NUDCD1: variants seen among roughly 807,000 people sequenced by gnomAD.
The protein encoded by NUDCD1 is NudC domain containing 1.
NUDCD1 carries 60 observed loss-of-function variants against 67.8 expected under a neutral mutation model. The ratio of observed to expected loss-of-function variants is 0.88; its 90% CI spans 0.72 to 1.10. The LOEUF (loss-of-function observed/expected upper bound fraction) is 1.10. Among genes scored for constraint, NUDCD1 ranks in the 50% least tolerant of loss-of-function variants. The pLI is 0.00. For synonymous variants in NUDCD1, 244 were observed against 230.8 expected, an observed-to-expected ratio of 1.06 and a Z score of -0.52; for missense variants, 643 against 695.0, an observed-to-expected ratio of 0.93 and a Z score of 0.84.
chr8:109,285,084 A>G (rs962218622), intron 5 of NUDCD1, among the ~76,000 whole-genome samples: 2 of 152,100 alleles, frequency 1.3e-5, no homozygotes, highest in Admixed American at 6.6e-5. Flanking sequence ...ATAAATTCCT[A>G]GAAACACAAT....
At position 109,241,840 on chromosome 8, in the gene NUDCD1, C is replaced by A; in HGVS notation, c.*1169G>T. The A allele has an allele frequency of 2.7e-6, 1 of 368,288 alleles. No homozygotes were observed. The highest frequency in any genetic ancestry group is 4.8e-6 in the Non-Finnish European group (1 of 207,872). 22.8% of individuals were successfully genotyped at this position (368,288 alleles called of 1,614,324 possible). A position where few individuals can be genotyped will look rare whatever the true frequency, so the allele number is the denominator to read the frequency against. On this transcript the variant is annotated 3_prime_UTR_variant, in exon 10 of 10. Coordinates refer to ENST00000239690, the MANE Select transcript of NUDCD1 (RefSeq NM_032869.4). ...GCCTCTTAAATGAAGGTCTTAACTT[C>A]CTTATTAAAATATAAAATCCAACTT...
In NUDCD1 at chr8:109,241,852, A is replaced by G. The variant is rs369500673; in HGVS notation, c.*1157T>C. The G allele has an allele frequency of 4.8e-5, 18 of 377,970 alleles. No individual in the cohort carries two copies. Among genetic ancestry groups the G allele is most frequent in the African/African-American group, 3.5e-4 (17 of 48,278 alleles). The allele number at this position is 377,970 out of a possible 1,614,324, so 23.4% of individuals were successfully genotyped here. On this transcript the variant is annotated 3_prime_UTR_variant, in exon 10 of 10. Coordinates refer to ENST00000239690, the MANE Select transcript of NUDCD1 (RefSeq NM_032869.4). The stretch of plus-strand genomic sequence containing the variant: ...AAGGTCTTAACTTCCTTATTAAAAT[A>G]TAAAATCCAACTTGAGGTTTATATA...
chr8:109,331,407 T>G (rs921322950), intron 1 of NUDCD1, among the ~76,000 whole-genome samples: 10 of 150,798 alleles, frequency 6.6e-5, no homozygotes, highest in African/African-American at 2.2e-4. Flanking sequence ...TCCCAACTAC[T>G]CGGGAGGCTG....
intron 5 of NUDCD1, among the ~76,000 whole-genome samples, chr8:109,281,427 C>T (rs771172529): frequency 1.3e-5 from 2 of 152,042 alleles, no homozygotes; most frequent in Non-Finnish European, 2.9e-5. Flanking sequence ...TGATAGCAAT[C>T]CTTTATCCTC....
At chr8:109,260,725 T>A (rs2926204) in intron 8 of NUDCD1, among the ~76,000 whole-genome samples, 61,700 of 152,126 alleles carry the variant, frequency 0.41, 12,792 homozygotes, top group South Asian at 0.5. Flanking sequence ...TACTCTGGCC[T>A]TGCCAGATTT....
intron 2 of NUDCD1, among the ~76,000 whole-genome samples, chr8:109,318,332 G>A (rs147895643): frequency 2.0e-5 from 3 of 152,294 alleles, no homozygotes; most frequent in African/African-American, 7.2e-5. Context: ...AAATGTTATT[G>A]GCAAACTTTA....
intron 1 of NUDCD1, among the ~76,000 whole-genome samples, chr8:109,329,392 A>G (rs1815753185): frequency 6.6e-6 from 1 of 152,184 alleles, no homozygotes; most frequent in Non-Finnish European, 1.5e-5. Flanking sequence ...CATAAGAATC[A>G]TAAAGAAAAC....
intron 3 of NUDCD1, among the ~76,000 whole-genome samples, chr8:109,293,986 G>C (rs963867492): frequency 6.6e-6 from 1 of 151,920 alleles, no homozygotes; most frequent in Non-Finnish European, 1.5e-5. Context: ...ATCCTAAAGT[G>C]TTTTTTGAAA....
At chr8:109,243,323 C>A in intron 9 of NUDCD1, 22 bp from the exon 10 acceptor site, 17 of 1,520,384 alleles carry the variant, frequency 1.1e-5, no homozygotes, top group East Asian at 6.9e-5. Flanking sequence ...ATGAGACAAA[C>A]AAAAGAAAAA....
intron 4 of NUDCD1, among the ~76,000 whole-genome samples, chr8:109,291,720 G>A (rs889566144): frequency 6.6e-6 from 1 of 152,088 alleles, no homozygotes; most frequent in Non-Finnish European, 1.5e-5. Context: ...CTACAATCTT[G>A]GGAGAAAAAA....
intron 8 of NUDCD1, among the ~76,000 whole-genome samples, chr8:109,259,511 T>G (rs566914475): frequency 4.8e-4 from 73 of 152,152 alleles, no homozygotes; most frequent in African/African-American, 1.7e-3. Context: ...AGGAGAAAAA[T>G]GAGAGCCTTA....
At chr8:109,294,055 C>T (rs189984011) in intron 3 of NUDCD1, among the ~76,000 whole-genome samples, 10 of 149,480 alleles carry the variant, frequency 6.7e-5, no homozygotes, top group African/African-American at 2.0e-4. Flanking sequence ...TACAGAAACA[C>T]ACAAAATCTT....
intron 8 of NUDCD1, among the ~76,000 whole-genome samples, chr8:109,270,646 C>T (rs571104695): frequency 6.6e-6 from 1 of 151,832 alleles, no homozygotes; most frequent in East Asian, 1.9e-4. Context: ...ACATGACCAA[C>T]ATCATAGCAT....
At chr8:109,319,432 T>C (rs1232589137) in intron 2 of NUDCD1, among the ~76,000 whole-genome samples, 3 of 152,218 alleles carry the variant, frequency 2.0e-5, no homozygotes, top group Admixed American at 1.3e-4. Context: ...CAGAAAAGCG[T>C]ATCAACCTCT....
At chr8:109,275,291 A>G in intron 7 of NUDCD1, 61 bp downstream of exon 7, 1 of 1,492,798 alleles carries the variant, frequency 6.7e-7, no homozygotes, top group East Asian at 2.3e-5. Flanking sequence ...AGCATGGCAT[A>G]ATCTTCACAT....
At chr8:109,268,286 A>C (rs902586422) in intron 8 of NUDCD1, among the ~76,000 whole-genome samples, 3 of 152,146 alleles carry the variant, frequency 2.0e-5, no homozygotes, top group Non-Finnish European at 4.4e-5. Context: ...TTTTCCTATA[A>C]GGAGCTAGAG....
intron 8 of NUDCD1, among the ~76,000 whole-genome samples, chr8:109,270,122 C>A (rs1814111879): frequency 2.2e-5 from 3 of 138,220 alleles, no homozygotes; most frequent in African/African-American, 2.8e-5. Context: ...ATATATGGCA[C>A]ACCAGAGAGA....
At chr8:109,303,744 A>G (rs971429871) in intron 2 of NUDCD1, among the ~76,000 whole-genome samples, 5 of 151,932 alleles carry the variant, frequency 3.3e-5, no homozygotes, top group African/African-American at 9.7e-5. Flanking sequence ...CGATCACGCA[A>G]CCCTTACCAT....
chr8:109,333,206 A>G (rs1043009931), intron 1 of NUDCD1, among the ~76,000 whole-genome samples: 8 of 152,254 alleles, frequency 5.3e-5, no homozygotes, highest in Admixed American at 5.2e-4. Flanking sequence ...GAAAACATGC[A>G]TCAGAATCAG....
Sources: gnomAD v4.1 joint callset for allele counts (sites outside exome capture counted in the v4.1 genomes callset) on GRCh38, gnomAD v4.1.1 for gene constraint, MANE v1.5 for transcripts, NCBI Gene and HGNC (gene_info 2026-07-23, HGNC 2026-07-21) for gene names.